The following TAC4 variants were observed in gnomAD, a reference collection of about 807,000 sequenced individuals.
TAC4 encodes tachykinin-4.
Under a neutral mutation model 17.7 loss-of-function variants are expected in TAC4, and 17 were observed. That is an observed-to-expected ratio of 0.96 (90% CI 0.66 to 1.44). TAC4 has a LOEUF of 1.44. TAC4 is among the 40% of genes most tolerant of loss of function. The pLI, the probability that TAC4 is intolerant of heterozygous loss-of-function variation, is 0.00. For synonymous variants in TAC4, 62 were observed against 52.4 expected (o/e 1.18, Z -0.79); for missense variants, 118 against 125.6 (o/e 0.94, Z 0.29).
intron 3 of TAC4, 25 bp from the exon 4 acceptor site, chr17:49,839,934 A>G (rs746017651): frequency 1.9e-6 from 3 of 1,610,724 alleles, no homozygotes; most frequent in Non-Finnish European, 1.7e-6. Context: ...GAGAAGTGGT[A>G]GAGGAGAGAG....
In TAC4 at chr17:49,847,975, C is replaced by T. The variant is rs375461676; in HGVS notation, c.43G>A (p.Val15Met). 5.3e-5 allele frequency: 85 copies of T among 1,614,084 alleles called. No individual in the cohort carries two copies. The highest frequency in any genetic ancestry group is 9.3e-5 in the African/African-American group (7 of 74,936). ...LALLLLMELS[V>M]CTVAGDGGEE... Reference sequence around the variant, plus strand: ...CCACCATCACCTGCCACAGTGCACACGGACAGCTCCATCAGGAGAAGCAGG... The same window carrying T: ...CCACCATCACCTGCCACAGTGCACATGGACAGCTCCATCAGGAGAAGCAGG... Residue 15 changes from valine (V) to methionine (M), a missense_variant, in exon 1 of 5, where the codon GTG becomes ATG. Transcript: ENST00000436235.
chr17:49,838,713 G>T, intron 4 of TAC4, 40 bp from the exon 5 acceptor site: 1 of 1,603,966 alleles, frequency 6.2e-7, no homozygotes. Flanking sequence ...TTAGTCGGGG[G>T]TCTTGTCTGG....
intron 4 of TAC4, 129 bp downstream of exon 4, chr17:49,839,721 G>A: frequency 1.2e-6 from 1 of 810,904 alleles, no homozygotes; most frequent in East Asian, 2.8e-5. Context: ...CCTCCCCTGG[G>A]GGCCTCCCCA....
At chr17:49,839,739 T>C in intron 4 of TAC4, 111 bp downstream of exon 4, 2 of 1,027,002 alleles carry the variant, frequency 1.9e-6, no homozygotes, top group South Asian at 3.4e-5. Flanking sequence ...CCATGATGGC[T>C]TGTGGGGAGC....
intron 2 of TAC4, among the ~76,000 whole-genome samples, chr17:49,843,624 C>T (rs1294626484): frequency 1.3e-5 from 2 of 152,158 alleles, no homozygotes; most frequent in African/African-American, 4.8e-5. Context: ...GATGGAGTCT[C>T]GCTTTGTCGC....
rs112154772 is a variant in TAC4 at position 49,842,382 on chromosome 17, T to G, written c.200-798A>C. Among the ~76,000 whole-genome samples the G allele has an allele frequency of 8.6e-3, 1,313 of 151,826 alleles. 20 individuals are homozygous for G. Among genetic ancestry groups the G allele is most frequent in the African/African-American group, 0.03 (1,237 of 41,392 alleles). Reference sequence around the variant, plus strand: ...CATCTCTACTAAAAATACAAAAAATTAGCCAGGCATGGTGGCTGATGCCTG... The same window carrying G: ...CATCTCTACTAAAAATACAAAAAATGAGCCAGGCATGGTGGCTGATGCCTG... On this transcript the variant is annotated intron_variant, in intron 2 of 4. Transcript: ENST00000436235.
Position 49,839,869 on chromosome 17 carries a change from C to T in TAC4, c.273G>A (p.Lys91=). 1.2e-6 allele frequency: 2 copies of T among 1,612,232 alleles called. No individual in the cohort carries two copies. Among genetic ancestry groups the T allele is most frequent in the South Asian group, 2.2e-5 (2 of 90,406 alleles). Residue 91 remains lysine (K), a synonymous_variant, in exon 4 of 5, where the codon AAG becomes AAA. Coordinates refer to ENST00000436235, the MANE Select transcript of TAC4 (RefSeq NM_001077506.2). ...GCCTACCTTCTGTGAACAGGCTTCT[C>T]TTGCCCAGGAGGCCCTGGAACGTGT... ...LEHTFQGLLG[K]RSLFTEGRED...
chr17:49,839,693 C>T (rs2074482292), intron 4 of TAC4, among the ~76,000 whole-genome samples, 157 bp downstream of exon 4: 1 of 152,112 alleles, frequency 6.6e-6, no homozygotes, highest in African/African-American at 2.4e-5. Flanking sequence ...CTTGGGACCA[C>T]CTCCTTGCAC....
rs779712952 is a variant in TAC4 at position 49,838,679 on chromosome 17, G to T, written c.293-6C>A. 1 of 1,613,252 alleles carries T rather than the reference G, an allele frequency of 6.2e-7. No homozygotes were observed. The highest frequency in any genetic ancestry group is 1.3e-5 in the African/African-American group (1 of 75,000). On this transcript the variant is annotated splice_region_variant and splice_polypyrimidine_tract_variant and intron_variant, in intron 4 of 4. Coordinates refer to ENST00000436235, the MANE Select transcript of TAC4 (RefSeq NM_001077506.2). ...TTGGGCCTCATCCTCTCTGCCTGGG[G>T]AGAGTTTGGTATATGAACCATGGTT...
chr17:49,847,432 AG>A (rs2074551209), intron 1 of TAC4: 2 of 455,606 alleles, frequency 4.4e-6, no homozygotes, highest in Non-Finnish European at 3.7e-6. Flanking sequence ...ATTCTGGAAA[AG>A]CTCCTCAGAT....
At chr17:49,847,824 A>G in intron 1 of TAC4, 89 bp downstream of exon 1, 1 of 1,602,982 alleles carries the variant, frequency 6.2e-7, no homozygotes, top group South Asian at 1.1e-5. Flanking sequence ...CCCAGCAGCC[A>G]TGCAGGGGAT....
Position 49,838,653 on chromosome 17 carries a change from C to T in TAC4, c.313G>A (p.Gly105Ser), listed in dbSNP as rs375780926. Residue 105 changes from glycine (G) to serine (S), a missense_variant, in exon 5 of 5, where the codon GGT (glycine) becomes AGT (serine). Transcript: ENST00000436235. ...TGTGGTGGGGGCTTTTACTCTGAAC[C>T]TTGGGCCTCATCCTCTCTGCCTGGG... ...FTEGREDEAQ[G>S]SE 3 of 1,613,408 alleles carry T rather than the reference C, an allele frequency of 1.9e-6. No individual in the cohort carries two copies. The highest frequency in any genetic ancestry group is 2.5e-6 in the Non-Finnish European group (3 of 1,179,790).
chr17:49,842,835 C>T (rs2074508896), intron 2 of TAC4, among the ~76,000 whole-genome samples: 1 of 152,130 alleles, frequency 6.6e-6, no homozygotes, highest in Admixed American at 6.5e-5. Flanking sequence ...GTGTGTATGT[C>T]GTTTTTTAAA....
chr17:49,838,778 A>C, intron 4 of TAC4, 105 bp from the exon 5 acceptor site: 1 of 1,129,380 alleles, frequency 8.9e-7, no homozygotes, highest in Non-Finnish European at 1.3e-6. Flanking sequence ...CATCTTCCTA[A>C]CCCCTCTCTC....
intron 1 of TAC4, 80 bp downstream of exon 1, chr17:49,847,833 A>T (rs1483478170): frequency 6.2e-7 from 1 of 1,607,806 alleles, no homozygotes; most frequent in Non-Finnish European, 8.5e-7. Flanking sequence ...CATGCAGGGG[A>T]TCTTCTGCCT....
At chr17:49,847,008 C>T in intron 1 of TAC4, 1 of 1,290,162 alleles carries the variant, frequency 7.8e-7, no homozygotes, top group Non-Finnish European at 1.0e-6. Flanking sequence ...CCTCACTGCA[C>T]ACACTTCCAG....
At chr17:49,840,145 C>T (rs537029282) in intron 3 of TAC4, among the ~76,000 whole-genome samples, 1 of 152,364 alleles carries the variant, frequency 6.6e-6, no homozygotes, top group Non-Finnish European at 1.5e-5. Context: ...TCCCTCTGCT[C>T]TCCCTTCACA....
At chr17:49,838,970 C>G (rs747846086) in intron 4 of TAC4, among the ~76,000 whole-genome samples, 4 of 152,126 alleles carry the variant, frequency 2.6e-5, no homozygotes, top group Non-Finnish European at 5.9e-5. Context: ...AAGCAGGAGA[C>G]ACAGTTTAGT....
At chr17:49,845,288 A>G (rs2074529632) in intron 1 of TAC4, among the ~76,000 whole-genome samples, 1 of 152,224 alleles carries the variant, frequency 6.6e-6, no homozygotes, top group Non-Finnish European at 1.5e-5. Context: ...GGCATCCTCA[A>G]CCAAGGACTG....
Sources: allele counts gnomAD v4.1 joint callset (sites outside exome capture counted in the v4.1 genomes callset), GRCh38; gene constraint gnomAD v4.1.1; transcripts MANE v1.5; gene names NCBI Gene and HGNC (gene_info 2026-07-23, HGNC 2026-07-21).